The following GPR35 variants were observed in gnomAD, a reference collection of about 807,000 sequenced individuals.
GPR35 encodes KYNA receptor.
For synonymous variants in GPR35, 207 were observed against 198.4 expected, an observed-to-expected ratio of 1.04 and a Z score of -0.36; for missense variants, 372 against 422.5, an observed-to-expected ratio of 0.88 and a Z score of 1.05.
chr2:240,625,953 C>T (rs540581239), intron 1 of GPR35, among the ~76,000 whole-genome samples: 23 of 93,588 alleles, frequency 2.5e-4, no homozygotes, highest in African/African-American at 8.1e-4. Context: ...GATGGGTTCT[C>T]AGAGCAGGGT....
chr2:240,618,353 C>T (rs968644003), intron 4 of GPR35, among the ~76,000 whole-genome samples: 14 of 152,050 alleles, frequency 9.2e-5, no homozygotes, highest in African/African-American at 3.1e-4. Flanking sequence ...GTTGTGTCGA[C>T]GTACAGACAA....
intron 5 of GPR35, among the ~76,000 whole-genome samples, chr2:240,620,254 C>G (rs1018221315): frequency 2.0e-5 from 3 of 152,130 alleles, no homozygotes; most frequent in Non-Finnish European, 4.4e-5. Flanking sequence ...GCTGGGGTCA[C>G]CTGCCCTCAG....
upstream of GPR35, among the ~76,000 whole-genome samples, chr2:240,624,546 G>A (rs923913437): frequency 3.3e-5 from 5 of 152,180 alleles, no homozygotes; most frequent in Admixed American, 2.0e-4. Context: ...CCTGTGTGAC[G>A]CTGGGCCAAG....
intron 2 of GPR35, chr2:240,607,503 T>C (rs2125473137): frequency 6.6e-6 from 1 of 152,356 alleles, no homozygotes; most frequent in Admixed American, 6.5e-5. Flanking sequence ...GTCCATTTAT[T>C]TGGATCTTCT....
At chr2:240,622,053 T>A (rs370962267), upstream of GPR35, among the ~76,000 whole-genome samples, 11 of 151,654 alleles carry the variant, frequency 7.3e-5, no homozygotes, top group African/African-American at 2.7e-4. Context: ...TTTTTTTTTT[T>A]ACTTTTTGTA....
chr2:240,622,506 C>T (rs781369375), upstream of GPR35, among the ~76,000 whole-genome samples: 11 of 152,242 alleles, frequency 7.2e-5, no homozygotes, highest in Non-Finnish European at 1.3e-4. Context: ...ATGAAATACA[C>T]TAACACTCAC....
upstream of GPR35, among the ~76,000 whole-genome samples, chr2:240,624,854 C>G (rs2043350894): frequency 6.9e-6 from 1 of 145,398 alleles, no homozygotes; most frequent in Non-Finnish European, 1.5e-5. Context: ...TAGGGGTGGT[C>G]TGGGTAGGCT....
At chr2:240,629,079 G>A (rs1362848219) in intron 1 of GPR35, 2 of 152,440 alleles carry the variant, frequency 1.3e-5, no homozygotes, top group Admixed American at 1.3e-4. Flanking sequence ...CAGCCTTCCT[G>A]GGCTATGTCG....
chr2:240,609,038 T>C (rs560784694), intron 2 of GPR35, among the ~76,000 whole-genome samples: 4 of 152,336 alleles, frequency 2.6e-5, no homozygotes, highest in South Asian at 2.1e-4. Context: ...ATTCTTGTAT[T>C]ATTCTTCTGA....
chr2:240,607,708 T>A (rs931859599), intron 2 of GPR35, among the ~76,000 whole-genome samples: 1 of 152,162 alleles, frequency 6.6e-6, no homozygotes, highest in African/African-American at 2.4e-5. Context: ...CATTTATTAG[T>A]TCATAGTGTT....
At chr2:240,625,184 A>G (rs991276683), upstream of GPR35, 1 of 803,398 alleles carries the variant, frequency 1.2e-6, no homozygotes. Flanking sequence ...GGGAGGAGGA[A>G]GGCTCCGTGG....
At chr2:240,618,867 T>C (rs2043264394) in intron 4 of GPR35, 2 of 641,972 alleles carry the variant, frequency 3.1e-6, no homozygotes, top group South Asian at 3.4e-5. Flanking sequence ...TGTAGAAATA[T>C]TTCTCCCTCC....
rs555531023 is a variant in GPR35, at chr2:240,632,494, G to A, written c.*1612G>A. On this transcript the variant is annotated 3_prime_UTR_variant, in exon 2 of 2. Coordinates refer to ENST00000407714, the MANE Select transcript of GPR35 (RefSeq NM_005301.5). ...GAGCGTTCATGCCCAGGAAGGTCCAGCCCAGGAGGGTCCATGTCAAGGAGG... is the reference window on the plus strand; with the variant it reads ...GAGCGTTCATGCCCAGGAAGGTCCAACCCAGGAGGGTCCATGTCAAGGAGG... 2.0e-5 allele frequency among the ~76,000 whole-genome samples: 3 copies of A among 147,544 alleles called. No individual in the cohort carries two copies. The East Asian group carries it at 6.3e-4, about 31-fold the overall frequency.
chr2:240,617,926 T>C (rs1019647774), intron 4 of GPR35, among the ~76,000 whole-genome samples: 6 of 152,348 alleles, frequency 3.9e-5, no homozygotes, highest in South Asian at 4.1e-4. Flanking sequence ...CTAACCCAGA[T>C]TGGACAGCAT....
chr2:240,631,191 G>A lies in GPR35; in HGVS notation c.*309G>A. 1 of 433,756 alleles carries A rather than the reference G, an allele frequency of 2.3e-6. No individual in the cohort carries two copies. The highest frequency in any genetic ancestry group is 4.3e-6 in the Non-Finnish European group (1 of 230,912). 26.9% of individuals were successfully genotyped at this position (433,756 alleles called of 1,614,324 possible). A position where few individuals can be genotyped will look rare whatever the true frequency, so the allele number is the denominator to read the frequency against. ...AGAGTGGGTTCCTGCTGGCCAGGGT[G>A]CAGCCTTGATGACACCTGCCGCTGC... is the stretch of plus-strand genomic sequence containing the variant. On this transcript the variant is annotated 3_prime_UTR_variant, in exon 2 of 2. Transcript: ENST00000407714.
chr2:240,614,870 G>C (rs879786233), intron 2 of GPR35, among the ~76,000 whole-genome samples: 5 of 150,944 alleles, frequency 3.3e-5, no homozygotes, highest in Non-Finnish European at 5.9e-5. Context: ...TGTATATGTA[G>C]TATCTATATA....
At chr2:240,623,120 G>A (rs180884024), upstream of GPR35, among the ~76,000 whole-genome samples, 17 of 152,312 alleles carry the variant, frequency 1.1e-4, no homozygotes, top group African/African-American at 2.9e-4. Context: ...TCGCAGCCCC[G>A]CGGCCGGAGT....
upstream of GPR35, chr2:240,625,313 C>T: frequency 1.0e-6 from 1 of 985,620 alleles, no homozygotes. Context: ...GCCGGCACCC[C>T]ACTTCCCTCC....
At position 240,630,094 on chromosome 2, in the gene GPR35, C is replaced by T. The variant is rs767296950; in HGVS notation, c.142C>T (p.Arg48Cys). ...NSLALWVFCC[R>C]MQQWTETRIY... ...CCTGGCGCTCTGGGTGTTCTGCTGC[C>T]GCATGCAGCAGTGGACGGAGACCCG... The change falls in exon 2 of 2, where the codon CGC becomes TGC. Residue 48 changes from arginine to cysteine, a missense_variant. Transcript: ENST00000407714. 2.5e-6 allele frequency: 4 copies of T among 1,610,046 alleles called. No individual in the cohort carries two copies. The highest frequency in any genetic ancestry group is 1.7e-6 in the Non-Finnish European group (2 of 1,179,884).
Sources: allele counts gnomAD v4.1 joint callset (sites outside exome capture counted in the v4.1 genomes callset), GRCh38; gene constraint gnomAD v4.1.1; transcripts MANE v1.5; gene names NCBI Gene and HGNC (gene_info 2026-07-23, HGNC 2026-07-21).